Variants in CDC16 observed in about 807,000 individuals in gnomAD.
The protein encoded by CDC16 is cell division cycle protein 16 homolog.
Under a neutral mutation model 87.0 loss-of-function variants are expected in CDC16, and 34 were observed. That is an observed-to-expected ratio of 0.39 (90% CI 0.30 to 0.52). The LOEUF is 0.52. Ranked by LOEUF, CDC16 falls within the 20% of genes least tolerant of loss-of-function variation. CDC16 has a pLI of 0.74. For missense variants in CDC16, 653 were observed against 751.9 expected, an observed-to-expected ratio of 0.87 and a Z score of 1.54; for synonymous variants, 263 against 260.6, an observed-to-expected ratio of 1.01 and a Z score of -0.09.
chr13:114,263,019 G>A lies in CDC16; in HGVS notation c.1512+5G>A. 1 of 1,612,644 alleles carries A rather than the reference G, an allele frequency of 6.2e-7. No individual in the cohort carries two copies. The highest frequency in any genetic ancestry group is 8.5e-7 in the Non-Finnish European group (1 of 1,178,740). On this transcript the variant is annotated splice_donor_5th_base_variant and intron_variant, in intron 16 of 17. Coordinates refer to ENST00000356221, the MANE Select transcript of CDC16 (RefSeq NM_001078645.3). The stretch of plus-strand genomic sequence containing the variant: ...GCTGTGGACTACTTCCACACAGTAT[G>A]TCTTTTCTTTGTACCTAATTTTAAA...
chr13:114,245,875 AAAGAC>A (rs1269809896), intron 9 of CDC16, 120 bp from the exon 10 acceptor site: 1 of 634,022 alleles, frequency 1.6e-6, no homozygotes, highest in African/African-American at 1.9e-5. Context: ...ATCTAGAAGG[AAAGAC>A]AAGTATGAAA....
At chr13:114,255,835 G>A (rs530482270) in intron 12 of CDC16, among the ~76,000 whole-genome samples, 2 of 152,088 alleles carry the variant, frequency 1.3e-5, no homozygotes, top group African/African-American at 4.8e-5. Flanking sequence ...TAGAGATGGG[G>A]TCTCACTGTG....
intron 5 of CDC16, 31 bp downstream of exon 5, chr13:114,239,521 C>T (rs534856401): frequency 1.5e-5 from 22 of 1,499,768 alleles, no homozygotes; most frequent in South Asian, 1.1e-4. Flanking sequence ...AGCTCAGTAA[C>T]GGCGGCGAGA....
Position 114,235,061 on chromosome 13 carries a change from G to A in CDC16, c.-24G>A. 1 of 1,249,276 alleles carries A rather than the reference G, an allele frequency of 8.0e-7. No homozygotes were observed. The highest frequency in any genetic ancestry group is 3.4e-5 in the South Asian group (1 of 29,614). 77.4% of individuals were successfully genotyped at this position (1,249,276 alleles called of 1,614,324 possible). Reference sequence around the variant, plus strand: ...GGCGCGCGCCTAGCGGCGGAGTGTGGCGTGAGGCCGGGCCCGCGCCGCCAT... The same window carrying A: ...GGCGCGCGCCTAGCGGCGGAGTGTGACGTGAGGCCGGGCCCGCGCCGCCAT... On this transcript the variant is annotated 5_prime_UTR_variant, in exon 1 of 18. Coordinates refer to ENST00000356221, the MANE Select transcript of CDC16 (RefSeq NM_001078645.3).
intron 14 of CDC16, among the ~76,000 whole-genome samples, chr13:114,260,571 C>T (rs934129726): frequency 1.3e-5 from 2 of 152,170 alleles, no homozygotes; most frequent in African/African-American, 4.8e-5. Flanking sequence ...TTTCCTAAAC[C>T]ATACTTAAGT....
intron 15 of CDC16, among the ~76,000 whole-genome samples, chr13:114,262,241 C>T (rs943594571): frequency 2.6e-5 from 4 of 152,084 alleles, no homozygotes; most frequent in Non-Finnish European, 4.4e-5. Flanking sequence ...CTGTTTTCTG[C>T]TAGAGGTTTT....
At chr13:114,248,083 G>A (rs1566652105) in intron 11 of CDC16, among the ~76,000 whole-genome samples, 1 of 152,072 alleles carries the variant, frequency 6.6e-6, no homozygotes, top group Non-Finnish European at 1.5e-5. Flanking sequence ...TTCTTAGCAG[G>A]GTGAACTGAT....
At chr13:114,265,836 A>G (rs1356238752) in intron 17 of CDC16, among the ~76,000 whole-genome samples, 2 of 148,838 alleles carry the variant, frequency 1.3e-5, no homozygotes, top group South Asian at 2.1e-4. Context: ...TTTTTTTGAG[A>G]TGGAGCTTCG....
Position 114,265,260 on chromosome 13 carries a change from T to C in CDC16, c.1603+20T>C. The C allele has an allele frequency of 6.9e-7, 1 of 1,457,624 alleles. No individual in the cohort carries two copies. The highest frequency in any genetic ancestry group is 1.1e-5 in the South Asian group (1 of 87,770). The allele number at this position is 1,457,624 out of a possible 1,614,324, so 90.3% of individuals were successfully genotyped here. A position where few individuals can be genotyped will look rare whatever the true frequency, so the allele number is the denominator to read the frequency against. On this transcript the variant is annotated intron_variant, in intron 17 of 17. Coordinates refer to ENST00000356221, the MANE Select transcript of CDC16 (RefSeq NM_001078645.3). ...ATATTGGTAAGATAATCGTTATTCT[T>C]ATTGGTATTGTACTCCATTTTTTAG... is the stretch of plus-strand genomic sequence containing the variant.
chr13:114,266,773 A>C (rs2083246793), intron 17 of CDC16, among the ~76,000 whole-genome samples: 1 of 151,580 alleles, frequency 6.6e-6, no homozygotes. Context: ...TGCTCACTGC[A>C]AGCTCCCCCT....
At chr13:114,254,209 A>C (rs571840505) in intron 12 of CDC16, among the ~76,000 whole-genome samples, 30 of 152,246 alleles carry the variant, frequency 2.0e-4, no homozygotes, top group Non-Finnish European at 3.5e-4. Context: ...CTTGTTGACA[A>C]CATACAGTTA....
chr13:114,250,059 G>A (rs935645358), intron 11 of CDC16, among the ~76,000 whole-genome samples: 3 of 151,748 alleles, frequency 2.0e-5, no homozygotes, highest in African/African-American at 7.2e-5. Flanking sequence ...ACAGTGGCTC[G>A]TGCCTGTAAT....
At chr13:114,253,790 C>T (rs2082338892) in intron 12 of CDC16, among the ~76,000 whole-genome samples, 1 of 151,756 alleles carries the variant, frequency 6.6e-6, no homozygotes, top group Non-Finnish European at 1.5e-5. Flanking sequence ...GTGAAGTGTT[C>T]CATAGATACC....
chr13:114,244,849 C>T (rs1483608634), intron 8 of CDC16, 41 bp from the exon 9 acceptor site: 1 of 1,316,778 alleles, frequency 7.6e-7, no homozygotes, highest in South Asian at 1.2e-5. Flanking sequence ...GTGCTGTCAC[C>T]TGCTGGTTTG....
chr13:114,272,652 G>A lies in CDC16; in HGVS notation c.*209G>A. On this transcript the variant is annotated 3_prime_UTR_variant, in exon 18 of 18. Coordinates refer to ENST00000356221, the MANE Select transcript of CDC16 (RefSeq NM_001078645.3). Reference sequence around the variant, plus strand: ...TGAACCTACAAAATAGTTATACATAGTGGAATAAAGAAGGTAAACCATCTG... The same window carrying A: ...TGAACCTACAAAATAGTTATACATAATGGAATAAAGAAGGTAAACCATCTG... The A allele has an allele frequency of 2.3e-6, 1 of 440,034 alleles. No homozygotes were observed. The highest frequency in any genetic ancestry group is 4.0e-6 in the Non-Finnish European group (1 of 250,760). 27.3% of individuals were successfully genotyped at this position (440,034 alleles called of 1,614,324 possible).
At chr13:114,248,247 C>T (rs538499212) in intron 11 of CDC16, among the ~76,000 whole-genome samples, 28 of 152,192 alleles carry the variant, frequency 1.8e-4, no homozygotes, top group Admixed American at 4.6e-4. Context: ...TGGTTTCTTC[C>T]GTGCAAATAA....
chr13:114,259,529 A>G (rs545780261), intron 14 of CDC16, 131 bp downstream of exon 14: 51 of 529,370 alleles, frequency 9.6e-5, no homozygotes, highest in Non-Finnish European at 1.4e-4. Context: ...AGCGGCTGTT[A>G]ATGTTTGCAT....
rs780993970 is a variant in CDC16 at position 114,244,872 on chromosome 13, T to A, written c.768-18T>A. The A allele has an allele frequency of 4.4e-6, 7 of 1,577,708 alleles. No individual in the cohort carries two copies. Among genetic ancestry groups the A allele is most frequent in the Non-Finnish European group, 6.1e-6 (7 of 1,148,826 alleles). On this transcript the variant is annotated intron_variant, in intron 8 of 17. Coordinates refer to ENST00000356221, the MANE Select transcript of CDC16 (RefSeq NM_001078645.3). ...ACCTGCTGGTTTGGGGGTAGTAATG[T>A]GTCGCTTTAACTTTCAGAGTAATGG...
rs1421406690 is a variant in CDC16, at chr13:114,272,535, G to A, written c.*92G>A. 18 of 1,128,702 alleles carry A rather than the reference G, an allele frequency of 1.6e-5. No individual in the cohort carries two copies. The highest frequency in any genetic ancestry group is 9.8e-5 in the Admixed American group (4 of 40,642). 69.9% of individuals were successfully genotyped at this position (1,128,702 alleles called of 1,614,324 possible). A position where few individuals can be genotyped will look rare whatever the true frequency, so the allele number is the denominator to read the frequency against. On this transcript the variant is annotated 3_prime_UTR_variant, in exon 18 of 18. Transcript: ENST00000356221. ...GCTTAAGAATGTCCCACTTCCTAACGTGACTCCAAACTGCATCTCTACATT... is the reference window on the plus strand; with the variant it reads ...GCTTAAGAATGTCCCACTTCCTAACATGACTCCAAACTGCATCTCTACATT...
Sources: gnomAD v4.1 joint callset for allele counts (sites outside exome capture counted in the v4.1 genomes callset) on GRCh38, gnomAD v4.1.1 for gene constraint, MANE v1.5 for transcripts, NCBI Gene and HGNC (gene_info 2026-07-23, HGNC 2026-07-21) for gene names.